Variants in CCL26 observed in about 807,000 individuals in gnomAD.
The protein encoded by CCL26 is C-C motif chemokine 26.
In CCL26, 10 loss-of-function variants were observed where a neutral mutation model predicts 10.7. The ratio of observed to expected loss-of-function variants is 0.93; its 90% CI spans 0.57 to 1.58. The LOEUF (loss-of-function observed/expected upper bound fraction) is 1.58. Among genes scored for constraint, CCL26 ranks in the 40% most tolerant of loss-of-function variants. The pLI is 0.00. For missense variants in CCL26, 116 were observed against 111.0 expected, an observed-to-expected ratio of 1.05 and a Z score of -0.20; for synonymous variants, 43 against 41.4, an observed-to-expected ratio of 1.04 and a Z score of -0.15.
chr7:75,779,016 G>T (rs187953840), intron 1 of CCL26, among the ~76,000 whole-genome samples: 2 of 152,198 alleles, frequency 1.3e-5, no homozygotes, highest in East Asian at 3.9e-4. Flanking sequence ...AAGTGAAAAT[G>T]GCCTGTTCCT....
chr7:75,769,862 G>A (rs1802784545), intron 2 of CCL26, 73 bp from the exon 3 acceptor site: 4 of 917,690 alleles, frequency 4.4e-6, no homozygotes, highest in Non-Finnish European at 7.2e-6. Flanking sequence ...AAGGGAAGGA[G>A]GGGCAGCTCT....
At chr7:75,781,658 C>G (rs1803066989) in intron 1 of CCL26, among the ~76,000 whole-genome samples, 1 of 152,214 alleles carries the variant, frequency 6.6e-6, no homozygotes. Context: ...CCTGCCTTAA[C>G]TGATGACATT....
chr7:75,783,253 A>G (rs1290354378), intron 1 of CCL26, among the ~76,000 whole-genome samples: 1 of 152,152 alleles, frequency 6.6e-6, no homozygotes, highest in Admixed American at 6.6e-5. Flanking sequence ...GGAGTAACTT[A>G]AATGTCATCC....
At chr7:75,778,462 C>T (rs2115664945) in intron 1 of CCL26, among the ~76,000 whole-genome samples, 1 of 147,154 alleles carries the variant, frequency 6.8e-6, no homozygotes, top group South Asian at 2.3e-4. Context: ...CCAGGCTTCA[C>T]TTGTCTTTTT....
intron 1 of CCL26, among the ~76,000 whole-genome samples, chr7:75,779,419 G>A (rs1170425214): frequency 1.3e-5 from 2 of 152,112 alleles, no homozygotes; most frequent in Admixed American, 6.5e-5. Flanking sequence ...TCCTCAGACC[G>A]ACCAGCCCAA....
At chr7:75,786,657 G>C (rs1220375678) in intron 1 of CCL26, among the ~76,000 whole-genome samples, 13 of 152,188 alleles carry the variant, frequency 8.5e-5, no homozygotes, top group Admixed American at 8.5e-4. Flanking sequence ...CGCTTATGCT[G>C]ATAAGGTAGC....
At chr7:75,773,346 T>C (rs1169524534), upstream of CCL26, among the ~76,000 whole-genome samples, 2 of 151,008 alleles carry the variant, frequency 1.3e-5, no homozygotes, top group Non-Finnish European at 3.0e-5. Flanking sequence ...ATCGCTTGAA[T>C]GCAGGAGGCA....
chr7:75,773,534 G>A (rs1347885109), upstream of CCL26, among the ~76,000 whole-genome samples: 1 of 152,072 alleles, frequency 6.6e-6, no homozygotes, highest in African/African-American at 2.4e-5. Context: ...GGATTACAGT[G>A]AGCCACCACG....
At chr7:75,778,741 A>C (rs556789600) in intron 1 of CCL26, among the ~76,000 whole-genome samples, 1 of 151,234 alleles carries the variant, frequency 6.6e-6, no homozygotes, top group East Asian at 2.0e-4. Context: ...ATTCCCCTGC[A>C]TCAGCCTCCT....
At chr7:75,788,987 CAT>C (rs1803263029) in intron 1 of CCL26, among the ~76,000 whole-genome samples, 1 of 151,976 alleles carries the variant, frequency 6.6e-6, no homozygotes, top group African/African-American at 2.4e-5. Context: ...GTGATGCTGT[CAT>C]AGCTCACTGC....
At chr7:75,791,408 C>T (rs1279443945), upstream of CCL26, among the ~76,000 whole-genome samples, 4 of 152,086 alleles carry the variant, frequency 2.6e-5, no homozygotes, top group African/African-American at 7.2e-5. Flanking sequence ...AGCTGGCGGC[C>T]CTGGCTCCTG....
chr7:75,784,214 C>T (rs939140111), intron 1 of CCL26, among the ~76,000 whole-genome samples: 1 of 152,214 alleles, frequency 6.6e-6, no homozygotes, highest in Admixed American at 6.5e-5. Context: ...TGCTAGAAAT[C>T]TGGCCACTGG....
chr7:75,773,163 G>C (rs990264281), upstream of CCL26, among the ~76,000 whole-genome samples: 21 of 152,184 alleles, frequency 1.4e-4, no homozygotes, highest in African/African-American at 5.1e-4. Flanking sequence ...ACAATCACCC[G>C]AGGCTTAAAA....
chr7:75,774,620 A>G (rs564058072), upstream of CCL26, among the ~76,000 whole-genome samples: 4 of 151,764 alleles, frequency 2.6e-5, no homozygotes, highest in South Asian at 6.2e-4. Flanking sequence ...TAATTTTTGT[A>G]TTTTTAGTAG....
upstream of CCL26, among the ~76,000 whole-genome samples, chr7:75,790,181 T>TCC (rs1554530618): frequency 6.7e-3 from 556 of 83,582 alleles, 7 homozygotes; most frequent in Non-Finnish European, 8.9e-3. Flanking sequence ...CTTCCTTCCT[T>TCC]TCTTTCTTTC....
rs781957283 is a variant in CCL26 at position 75,769,690 on chromosome 7, G to T, written c.*3C>A. ...AGCGTCCTCGGATGAAAATTCAGCT[G>T]AGTCACAATTGTTTCGGAGTTTTCA... On this transcript the variant is annotated 3_prime_UTR_variant, in exon 3 of 3. Coordinates refer to ENST00000005180, the MANE Select transcript of CCL26 (RefSeq NM_001371938.1). 1 of 1,595,662 alleles carries T rather than the reference G, an allele frequency of 6.3e-7. No individual in the cohort carries two copies. The highest frequency in any genetic ancestry group is 8.6e-7 in the Non-Finnish European group (1 of 1,163,174).
At chr7:75,770,113 A>G (rs1471727451) in intron 2 of CCL26, among the ~76,000 whole-genome samples, 2 of 148,406 alleles carry the variant, frequency 1.3e-5, no homozygotes, top group Non-Finnish European at 3.0e-5. Flanking sequence ...TCTGTTGCCC[A>G]CATTGGAGTG....
intron 1 of CCL26, among the ~76,000 whole-genome samples, chr7:75,779,596 G>T (rs1306749390): frequency 6.6e-6 from 1 of 152,180 alleles, no homozygotes; most frequent in East Asian, 1.9e-4. Context: ...AGACAAAGGA[G>T]ATGCGTTTTA....
chr7:75,777,327 A>T (rs1466204671), intron 1 of CCL26, among the ~76,000 whole-genome samples: 1 of 152,212 alleles, frequency 6.6e-6, no homozygotes, highest in African/African-American at 2.4e-5. Flanking sequence ...CAAACTGGAA[A>T]TGACCCTCAT....
Sources: allele counts gnomAD v4.1 joint callset (sites outside exome capture counted in the v4.1 genomes callset), GRCh38; gene constraint gnomAD v4.1.1; transcripts MANE v1.5; gene names NCBI Gene and HGNC (gene_info 2026-07-23, HGNC 2026-07-21).